The following CRYL1 variants were observed in gnomAD, a reference collection of about 807,000 sequenced individuals.
CRYL1 encodes crystallin lambda 1.
Under a neutral mutation model 36.6 loss-of-function variants are expected in CRYL1, and 29 were observed. The observed-to-expected ratio is 0.79, with a 90% CI of 0.59 to 1.08. The LOEUF (loss-of-function observed/expected upper bound fraction) is 1.08, where lower values mean the gene tolerates loss of function less well. Ranked by LOEUF, CRYL1 falls within the 50% of genes least tolerant of loss-of-function variation. The probability of loss-of-function intolerance (pLI) is 0.00; values close to 1 mark genes in which losing one functional copy is unlikely to be tolerated. For synonymous variants in CRYL1, 152 were observed against 151.5 expected (o/e 1.00, Z -0.02); for missense variants, 411 against 407.9 (o/e 1.01, Z -0.06).
rs7334854 is a variant in CRYL1, at chr13:20,481,472, C to T, written c.276+7898G>A. 6.3e-3 allele frequency among the ~76,000 whole-genome samples: 957 copies of T among 152,274 alleles called. 13 individuals carry two copies. Among genetic ancestry groups the T allele is most frequent in the Admixed American group, 0.01 (159 of 15,284 alleles). ...TTAGCTGCAAAGGGAAGGAGAGGCT[C>T]TATGCTCTGAACCCCAGCTGTGACG... On this transcript the variant is annotated intron_variant, in intron 3 of 7. Transcript: ENST00000298248. This position sits in a 1 kb window ranked among gnomAD's most constrained non-coding sequence, Gnocchi z 4.1.
chr13:20,445,302 T>A (rs1407817676), intron 3 of CRYL1, among the ~76,000 whole-genome samples: 1 of 151,386 alleles, frequency 6.6e-6, no homozygotes, highest in East Asian at 1.9e-4. Flanking sequence ...ACAAGCAGAG[T>A]TTTTAACATA....
chr13:20,437,309 ATTT>A (rs5802073), intron 4 of CRYL1, among the ~76,000 whole-genome samples: 1 of 144,306 alleles, frequency 6.9e-6, no homozygotes, highest in Non-Finnish European at 1.5e-5. Context: ...AGGAAGATTA[ATTT>A]TTTTTTTTTT....
intron 6 of CRYL1, among the ~76,000 whole-genome samples, chr13:20,412,195 A>T (rs2031541163): frequency 6.6e-6 from 1 of 151,972 alleles, no homozygotes; most frequent in Non-Finnish European, 1.5e-5. Context: ...TCTTCCTGCC[A>T]TGTACTGAGC....
At chr13:20,515,829 T>C (rs1187271032) in intron 1 of CRYL1, 4 of 147,096 alleles carry the variant, frequency 2.7e-5, no homozygotes, top group Non-Finnish European at 4.5e-5. Flanking sequence ...TTCTGCAAGA[T>C]GAAAAGATTG....
chr13:20,507,780 T>C (rs1242507537), intron 2 of CRYL1, among the ~76,000 whole-genome samples: 4 of 151,984 alleles, frequency 2.6e-5, no homozygotes, highest in East Asian at 3.9e-4. Context: ...TAGCTGGGCG[T>C]GGTGGCGAGC....
chr13:20,495,883 C>T (rs1373170641), intron 2 of CRYL1, among the ~76,000 whole-genome samples: 1 of 152,156 alleles, frequency 6.6e-6, no homozygotes, highest in Admixed American at 6.5e-5. Context: ...CTACAACCTC[C>T]CCCTCCCGGC....
chr13:20,514,148 T>A (rs746662389), intron 1 of CRYL1, among the ~76,000 whole-genome samples: 3 of 152,218 alleles, frequency 2.0e-5, no homozygotes, highest in Non-Finnish European at 4.4e-5. Context: ...AGGTAGGGCA[T>A]CACCCCCACT....
chr13:20,480,640 G>A lies in CRYL1; in HGVS notation c.276+8730C>T, dbSNP rs144791018. ...CTAATGCTCCTGCAGGTCCCACGAT[G>A]TCTGAGACACAGGCAGGTCACTGCC... On this transcript the variant is annotated intron_variant, in intron 3 of 7. Transcript: ENST00000298248. 2.9e-3 allele frequency among the ~76,000 whole-genome samples: 444 copies of A among 152,332 alleles called. 4 individuals are homozygous for A. The highest frequency in any genetic ancestry group is 6.8e-3 in the Middle Eastern group (2 of 294).
chr13:20,430,437 C>T (rs2032033281), intron 5 of CRYL1: 5 of 985,318 alleles, frequency 5.1e-6, no homozygotes, highest in Non-Finnish European at 6.0e-6. Context: ...AAGAATGTTC[C>T]CGCTAGCCAG....
At chr13:20,483,829 C>T (rs1246338956) in intron 3 of CRYL1, among the ~76,000 whole-genome samples, 2 of 151,440 alleles carry the variant, frequency 1.3e-5, no homozygotes, top group African/African-American at 4.9e-5. Flanking sequence ...GCATGAGCCA[C>T]CACATCCAGC....
chr13:20,489,914 T>C (rs556417318), intron 2 of CRYL1, among the ~76,000 whole-genome samples: 20 of 151,990 alleles, frequency 1.3e-4, no homozygotes, highest in African/African-American at 4.6e-4. Context: ...AATAGATGAG[T>C]AGATAAAAAA....
rs1207409081 is a variant in CRYL1 at position 20,415,335 on chromosome 13, G to A, written c.634-1948C>T. Among the ~76,000 whole-genome samples the A allele has an allele frequency of 6.6e-6, 1 of 152,150 alleles. No homozygotes were observed. Among genetic ancestry groups the A allele is most frequent in the Admixed American group, 6.5e-5 (1 of 15,290 alleles). On this transcript the variant is annotated intron_variant, in intron 5 of 7. Coordinates refer to ENST00000298248, the MANE Select transcript of CRYL1 (RefSeq NM_015974.3). This position sits in a 1 kb window ranked among gnomAD's most constrained non-coding sequence, Gnocchi z 4.1. ...CTGGGCCTCCAGGGCAGCCCCAGGG[G>A]TCCCCCGAGAAGCGAGAAAAGGGGT... is the stretch of plus-strand genomic sequence containing the variant.
At chr13:20,494,762 A>C (rs2033575650) in intron 2 of CRYL1, among the ~76,000 whole-genome samples, 1 of 152,248 alleles carries the variant, frequency 6.6e-6, no homozygotes, top group Non-Finnish European at 1.5e-5. Context: ...AGAATGTCCC[A>C]TGGAGACAGC....
At chr13:20,473,642 C>T (rs1339913417) in intron 3 of CRYL1, among the ~76,000 whole-genome samples, 1 of 152,176 alleles carries the variant, frequency 6.6e-6, no homozygotes, top group African/African-American at 2.4e-5. Flanking sequence ...GTGTGCTTCA[C>T]GAAAGTACAA....
chr13:20,411,241 G>C (rs2031515336), intron 6 of CRYL1, among the ~76,000 whole-genome samples: 1 of 152,194 alleles, frequency 6.6e-6, no homozygotes, highest in South Asian at 2.1e-4. Flanking sequence ...CTGGTCTTTG[G>C]AATGCTCTGA....
chr13:20,484,111 T>G (rs944466303), intron 3 of CRYL1, among the ~76,000 whole-genome samples: 1 of 152,200 alleles, frequency 6.6e-6, no homozygotes. Flanking sequence ...CCACCGCGCC[T>G]GGCCAAAATA....
At position 20,438,866 on chromosome 13, in the gene CRYL1, G is replaced by A. The variant is rs578100622; in HGVS notation, c.438+727C>T. On this transcript the variant is annotated intron_variant, in intron 4 of 7. Coordinates refer to ENST00000298248, the MANE Select transcript of CRYL1 (RefSeq NM_015974.3). ...CTGAGCTCGCAGTTGGGGCTCAAAC[G>A]TCGTTCACTGAATCTCCTCTCTCAT... Among the ~76,000 whole-genome samples, 9 of 152,310 alleles carry A rather than the reference G, an allele frequency of 5.9e-5. No individual in the cohort carries two copies. The East Asian group carries it at 1.5e-3, about 26-fold the overall frequency.
rs550146117 is a variant in CRYL1, at chr13:20,471,853, T to A, written c.276+17517A>T. Among the ~76,000 whole-genome samples the A allele has an allele frequency of 3.4e-4, 52 of 152,052 alleles. No homozygotes were observed. The South Asian group carries it at 0.011, about 31-fold the overall frequency. ...TCTCTTTTTCTCTCTCTCTCTTCCT[T>A]TCTTTCATTTTTTTTTTGAGACGTA... On this transcript the variant is annotated intron_variant, in intron 3 of 7. Coordinates refer to ENST00000298248, the MANE Select transcript of CRYL1 (RefSeq NM_015974.3).
intron 6 of CRYL1, among the ~76,000 whole-genome samples, chr13:20,412,209 A>G (rs1433563847): frequency 1.3e-5 from 2 of 151,940 alleles, no homozygotes; most frequent in East Asian, 1.9e-4. Context: ...ACTGAGCCCA[A>G]ACCTGTCTGT....
Sources: allele counts gnomAD v4.1 joint callset (sites outside exome capture counted in the v4.1 genomes callset), GRCh38; gene constraint gnomAD v4.1.1; non-coding constraint Gnocchi (gnomAD v3.1); transcripts MANE v1.5; gene names NCBI Gene and HGNC (gene_info 2026-07-23, HGNC 2026-07-21).